KCNIP4: variants seen among roughly 807,000 people sequenced by gnomAD.
KCNIP4 encodes the protein Kv channel-interacting protein 4.
Under a neutral mutation model 34.0 loss-of-function variants are expected in KCNIP4, and 12 were observed. That is an observed-to-expected ratio of 0.35 (90% CI 0.23 to 0.57). The LOEUF (loss-of-function observed/expected upper bound fraction) is 0.57, where lower values mean the gene tolerates loss of function less well. Among genes scored for constraint, KCNIP4 ranks in the 20% least tolerant of loss-of-function variants. The pLI is 0.83. For synonymous variants in KCNIP4, 124 were observed against 102.2 expected, an observed-to-expected ratio of 1.21 and a Z score of -1.29; for missense variants, 238 against 311.7, an observed-to-expected ratio of 0.76 and a Z score of 1.78.
intron 1 of KCNIP4, among the ~76,000 whole-genome samples, chr4:21,765,160 T>G (rs1360062942): frequency 1.0e-3 from 41 of 39,402 alleles, no homozygotes; most frequent in East Asian, 4.4e-3. Flanking sequence ...AAGAGAACCT[T>G]TTTTTTTTTT....
chr4:21,070,347 C>T (rs895915225), intron 1 of KCNIP4, among the ~76,000 whole-genome samples: 9 of 151,932 alleles, frequency 5.9e-5, no homozygotes, highest in Non-Finnish European at 1.2e-4. Context: ...GATAAATGCA[C>T]AGAGTACAGT....
chr4:21,498,735 C>G (rs1057168714), intron 1 of KCNIP4, among the ~76,000 whole-genome samples: 2 of 152,150 alleles, frequency 1.3e-5, no homozygotes, highest in African/African-American at 4.8e-5. Context: ...GACACCAAAA[C>G]CAGTTCAGTT....
Position 21,325,873 on chromosome 4 carries a change from CTGT to C in KCNIP4, c.62-443167_62-443165del, listed in dbSNP as rs531119423. ...ATTGACACACTTGTCATTCAGAAGC[CTGT>C]TGTTTAATTTCTATGTGTTTGTATA... is the stretch of plus-strand genomic sequence containing the variant. On this transcript the variant is annotated intron_variant, in intron 1 of 8. Transcript: ENST00000382152. Among the ~76,000 whole-genome samples, 358 of 151,850 alleles carry C rather than the reference CTGT, an allele frequency of 2.4e-3. 5 individuals carry two copies. The highest frequency in any genetic ancestry group is 8.0e-3 in the African/African-American group (333 of 41,482).
intron 1 of KCNIP4, among the ~76,000 whole-genome samples, chr4:21,827,398 T>A (rs921309937): frequency 6.6e-6 from 1 of 152,068 alleles, no homozygotes; most frequent in Non-Finnish European, 1.5e-5. Flanking sequence ...GAAATTTCAG[T>A]GTTTTGCAGT....
intron 1 of KCNIP4, among the ~76,000 whole-genome samples, chr4:21,331,420 CT>C (rs2109324722): frequency 6.6e-6 from 1 of 152,176 alleles, no homozygotes; most frequent in South Asian, 2.1e-4. Flanking sequence ...TTGATATTGT[CT>C]CTAGGAATTT....
intron 1 of KCNIP4, among the ~76,000 whole-genome samples, chr4:20,896,271 G>A (rs944889086): frequency 6.6e-6 from 1 of 152,060 alleles, no homozygotes; most frequent in African/African-American, 2.4e-5. Context: ...TTAGCTGCCT[G>A]GCCCCTGTAG....
intron 1 of KCNIP4, among the ~76,000 whole-genome samples, chr4:21,371,897 G>A (rs1386967984): frequency 2.0e-5 from 3 of 147,042 alleles, no homozygotes; most frequent in Admixed American, 2.0e-4. Context: ...AAGTTCAACA[G>A]TTAAGCAGTT....
At chr4:20,879,248 G>A (rs1724413117) in intron 2 of KCNIP4, among the ~76,000 whole-genome samples, 1 of 152,170 alleles carries the variant, frequency 6.6e-6, no homozygotes, top group South Asian at 2.1e-4. Context: ...GGCGATACTA[G>A]TGTCAGGTGG....
chr4:21,072,252 CCCA>C (rs1404659787), intron 1 of KCNIP4, among the ~76,000 whole-genome samples: 1 of 152,162 alleles, frequency 6.6e-6, no homozygotes, highest in Non-Finnish European at 1.5e-5. Context: ...AGTTTACAGT[CCCA>C]CCAACAGTGT....
At position 20,728,991 on chromosome 4, in the gene KCNIP4, T is replaced by TCTA. The variant is rs1746942935; in HGVS notation, c.*1088_*1090dup. On this transcript the variant is annotated 3_prime_UTR_variant, in exon 9 of 9. Transcript: ENST00000382152. ...TGGATTAGTTGTTGAGCACTTATTT[T>TCTA]CTACTAAATCTTGGTAGTAGTTGTC... The TCTA allele has an allele frequency of 6.6e-6, 1 of 152,260 alleles. No individual in the cohort carries two copies. The highest frequency in any genetic ancestry group is 2.4e-5 in the African/African-American group (1 of 41,450). The allele number at this position is 152,260 out of a possible 1,614,324, so 9.4% of individuals were successfully genotyped here.
At chr4:21,695,015 A>G (rs1160415394) in intron 1 of KCNIP4, among the ~76,000 whole-genome samples, 4 of 151,576 alleles carry the variant, frequency 2.6e-5, no homozygotes, top group Admixed American at 6.6e-5. Context: ...TAAATTTTTG[A>G]TAACTACAAA....
At chr4:21,078,940 C>A (rs1745756987) in intron 1 of KCNIP4, among the ~76,000 whole-genome samples, 1 of 152,064 alleles carries the variant, frequency 6.6e-6, no homozygotes, top group Non-Finnish European at 1.5e-5. Flanking sequence ...CCTGGGCTGT[C>A]CTCTTTCACT....
chr4:21,137,012 C>T (rs1210016608), intron 1 of KCNIP4, among the ~76,000 whole-genome samples: 1 of 152,162 alleles, frequency 6.6e-6, no homozygotes, highest in Non-Finnish European at 1.5e-5. Flanking sequence ...TAACCAAACT[C>T]TGGGTTCCAT....
At chr4:20,815,069 T>G (rs1444328243) in intron 3 of KCNIP4, among the ~76,000 whole-genome samples, 3 of 152,180 alleles carry the variant, frequency 2.0e-5, no homozygotes, top group Non-Finnish European at 4.4e-5. Context: ...GTAGTTAAAA[T>G]GATTATTATT....
intron 5 of KCNIP4, among the ~76,000 whole-genome samples, chr4:20,735,529 T>A (rs200697422): frequency 2.3e-5 from 2 of 87,190 alleles, no homozygotes; most frequent in South Asian, 8.5e-4. Context: ...TTTTTTTTTT[T>A]GTTTTTTTTT....
chr4:21,149,702 T>C (rs550843719), intron 1 of KCNIP4, among the ~76,000 whole-genome samples: 4 of 152,178 alleles, frequency 2.6e-5, no homozygotes, highest in Non-Finnish European at 2.9e-5. Flanking sequence ...GAACATATCC[T>C]AACTTTTAGT....
At chr4:21,855,286 C>G (rs1724679658) in intron 1 of KCNIP4, among the ~76,000 whole-genome samples, 1 of 152,228 alleles carries the variant, frequency 6.6e-6, no homozygotes, top group African/African-American at 2.4e-5. Flanking sequence ...TCAGTCTTCT[C>G]TCCTGCCAGT....
intron 1 of KCNIP4, among the ~76,000 whole-genome samples, chr4:20,926,236 C>T (rs561735292): frequency 2.0e-5 from 3 of 152,318 alleles, no homozygotes; most frequent in South Asian, 2.1e-4. Flanking sequence ...TTCTACACAA[C>T]GCCTAAGGGC....
At chr4:20,936,772 C>G (rs1731113461) in intron 1 of KCNIP4, among the ~76,000 whole-genome samples, 1 of 152,134 alleles carries the variant, frequency 6.6e-6, no homozygotes, top group South Asian at 2.1e-4. Flanking sequence ...TCACCATGTC[C>G]CACAGAGCAC....
Sources: gnomAD v4.1 joint callset for allele counts (sites outside exome capture counted in the v4.1 genomes callset) on GRCh38, gnomAD v4.1.1 for gene constraint, MANE v1.5 for transcripts, NCBI Gene and HGNC (gene_info 2026-07-23, HGNC 2026-07-21) for gene names.